MEGF11: variants seen among roughly 807,000 people sequenced by gnomAD.
MEGF11 encodes the protein multiple epidermal growth factor-like domains protein 11.
A neutral mutation model predicts 146.6 loss-of-function variants in MEGF11; 126 were observed. That is an observed-to-expected ratio of 0.86 (90% CI 0.74 to 1.00). The LOEUF (loss-of-function observed/expected upper bound fraction) is 1.00, where lower values mean the gene tolerates loss of function less well. Among genes scored for constraint, MEGF11 ranks in the 50% least tolerant of loss-of-function variants. The pLI is 0.00. For synonymous variants in MEGF11, 532 were observed against 583.4 expected (o/e 0.91, Z 1.27); for missense variants, 1,509 against 1,521.2 (o/e 0.99, Z 0.13).
chr15:65,951,025 G>A (rs1448400252), intron 10 of MEGF11, among the ~76,000 whole-genome samples: 1 of 152,218 alleles, frequency 6.6e-6, no homozygotes, highest in African/African-American at 2.4e-5. Context: ...GGAGTTTGCT[G>A]AGCAAGATAT....
chr15:66,038,345 T>C (rs773469039), intron 5 of MEGF11, among the ~76,000 whole-genome samples: 4 of 152,158 alleles, frequency 2.6e-5, no homozygotes, highest in African/African-American at 9.7e-5. Context: ...ACCATGGGCA[T>C]GTCACTTCCC....
chr15:65,965,298 GC>G (rs1032715628), intron 8 of MEGF11, 178 bp from the exon 9 acceptor site: 4 of 531,354 alleles, frequency 7.5e-6, no homozygotes, highest in African/African-American at 1.9e-5. Context: ...GGTTTAGTTC[GC>G]CCCAGTCATT....
intron 1 of MEGF11, among the ~76,000 whole-genome samples, chr15:66,174,874 T>C (rs2090352875): frequency 6.6e-6 from 1 of 152,240 alleles, no homozygotes; most frequent in African/African-American, 2.4e-5. Flanking sequence ...TCCTCTTCAA[T>C]TTCTTTCATC....
chr15:66,142,854 G>C (rs1005297190), intron 1 of MEGF11, among the ~76,000 whole-genome samples: 6 of 152,194 alleles, frequency 3.9e-5, no homozygotes, highest in Non-Finnish European at 7.3e-5. Flanking sequence ...GAGGACATGG[G>C]CCTGAAGGCC....
chr15:66,253,448 G>A (rs1038300102), intron 1 of MEGF11, among the ~76,000 whole-genome samples, 157 bp downstream of exon 1: 4 of 152,198 alleles, frequency 2.6e-5, no homozygotes, highest in African/African-American at 9.6e-5. Context: ...CGGCAGCCGG[G>A]ACCCGGGCAG....
intron 5 of MEGF11, among the ~76,000 whole-genome samples, chr15:66,049,283 A>G (rs959767300): frequency 2.6e-5 from 4 of 152,024 alleles, no homozygotes; most frequent in Non-Finnish European, 5.9e-5. Context: ...CTAGGTTCCA[A>G]CTCTGGGTTT....
chr15:65,922,414 G>A lies in MEGF11; in HGVS notation c.1881C>T (p.His627=). 1 of 1,593,944 alleles carries A rather than the reference G, an allele frequency of 6.3e-7. No homozygotes were observed. The highest frequency in any genetic ancestry group is 8.5e-7 in the Non-Finnish European group (1 of 1,170,844). The change falls in exon 15 of 26, where the codon CAC becomes CAT. Residue 627 remains histidine (H), a synonymous_variant. Transcript: ENST00000395614. Reference sequence around the variant, plus strand: ...TGATGTGGTGGCAGGGCCTGCTGCTGTGCACGCAGAGGGGGCATGGCTGGG... The same window carrying A: ...TGATGTGGTGGCAGGGCCTGCTGCTATGCACGCAGAGGGGGCATGGCTGGG... ...GCAQPCPLCV[H]SSRPCHHISG...
intron 1 of MEGF11, among the ~76,000 whole-genome samples, chr15:66,173,926 T>A (rs2090327413): frequency 6.6e-6 from 1 of 152,222 alleles, no homozygotes; most frequent in South Asian, 2.1e-4. Context: ...CAAGTGCCTC[T>A]GCTCCAGAAC....
Position 65,913,784 on chromosome 15 carries a change from G to C in MEGF11, c.2663C>G (p.Ser888Cys). The C allele has an allele frequency of 6.2e-7, 1 of 1,613,662 alleles. No individual in the cohort carries two copies. The highest frequency in any genetic ancestry group is 8.5e-7 in the Non-Finnish European group (1 of 1,179,780). ...EKGRDLAPRVSYTPAMRMTST... is the reference protein window; with the variant it reads ...EKGRDLAPRVCYTPAMRMTST... ...GGTCATCCTCATGGCAGGTGTGTAG[G>C]AGACACGGGGAGCCAGGTCTCGGCC... is the stretch of plus-strand genomic sequence containing the variant. The change falls in exon 20 of 26, where the codon TCC becomes TGC. Residue 888 changes from serine (S) to cysteine (C), a missense_variant. By Grantham distance (112) the Ser-to-Cys change is moderately radical. Transcript: ENST00000395614.
intron 10 of MEGF11, among the ~76,000 whole-genome samples, chr15:65,939,405 T>C (rs1213297969): frequency 6.6e-6 from 1 of 152,102 alleles, no homozygotes; most frequent in Non-Finnish European, 1.5e-5. Context: ...TGAGCATCTA[T>C]GACAAGCAAG....
In MEGF11 at chr15:66,103,986, C is replaced by A. The variant is rs186197857; in HGVS notation, c.302-9492G>T. On this transcript the variant is annotated intron_variant, in intron 4 of 25. Transcript: ENST00000395614. ...CACTGCTTCCTAGCTGTGGGTCCTT[C>A]GGCAGGTGATTTCACTCCTCTGAGT... is the stretch of plus-strand genomic sequence containing the variant. 1.6e-4 allele frequency among the ~76,000 whole-genome samples: 24 copies of A among 152,346 alleles called. No homozygotes were observed. In the East Asian group the frequency reaches 4.6e-3, roughly 29 times the overall value.
At chr15:66,218,079 T>A (rs2091632613) in intron 1 of MEGF11, among the ~76,000 whole-genome samples, 1 of 152,224 alleles carries the variant, frequency 6.6e-6, no homozygotes, top group Non-Finnish European at 1.5e-5. Context: ...GGAGCCTCTT[T>A]CTTTCAATGA....
At chr15:66,035,055 C>A (rs2083676351) in intron 5 of MEGF11, among the ~76,000 whole-genome samples, 2 of 152,094 alleles carry the variant, frequency 1.3e-5, no homozygotes, top group African/African-American at 2.4e-5. Context: ...AAAAAAAATC[C>A]TTTTCTTTAT....
chr15:65,918,053 A>G lies in MEGF11; in HGVS notation c.1999T>C (p.Cys667Arg). 6.2e-7 allele frequency: 1 copy of G among 1,613,998 alleles called. No individual in the cohort carries two copies. The highest frequency in any genetic ancestry group is 8.5e-7 in the Non-Finnish European group (1 of 1,179,886). ...CAGGTCCCGTTGTTGGCACAGGAGC[A>G]GAGCTGGGCACAGTCCTGCCCAAAG... ...GYFGQDCAQL[C>R]SCANNGTCSP... The change falls in exon 16 of 26, where the codon TGC (cysteine) becomes CGC (arginine). Residue 667 changes from cysteine (C) to arginine (R), a missense_variant. Physicochemically the swap from Cys to Arg is radical, Grantham distance 180. Transcript: ENST00000395614.
At chr15:65,989,499 C>T (rs1193240612) in intron 5 of MEGF11, among the ~76,000 whole-genome samples, 1 of 152,204 alleles carries the variant, frequency 6.6e-6, no homozygotes, top group Non-Finnish European at 1.5e-5. Context: ...CGGGATTGCT[C>T]CTGAGTTTAC....
intron 1 of MEGF11, among the ~76,000 whole-genome samples, chr15:66,202,629 C>T (rs1386445152): frequency 6.6e-6 from 1 of 152,230 alleles, no homozygotes; most frequent in African/African-American, 2.4e-5. Context: ...CAACAGCTCC[C>T]TGATCCCCAA....
intron 5 of MEGF11, among the ~76,000 whole-genome samples, chr15:65,990,562 C>T (rs532129788): frequency 9.3e-6 from 1 of 107,146 alleles, no homozygotes; most frequent in Non-Finnish European, 2.0e-5. Flanking sequence ...AGCAAGCAAA[C>T]AAGCAAGCAA....
rs114282831 is a variant in MEGF11, at chr15:66,073,085, G to C, written c.394+21317C>G. On this transcript the variant is annotated intron_variant, in intron 5 of 25. Transcript: ENST00000395614. ...GGAGGATTTAGGGGCTGGCCTCCTA[G>C]CAAGACATGTGGCCATGTCCCCAAG... Among the ~76,000 whole-genome samples the C allele has an allele frequency of 4.2e-3, 641 of 152,318 alleles. 4 individuals carry two copies. Among genetic ancestry groups the C allele is most frequent in the African/African-American group, 0.015 (619 of 41,572 alleles).
chr15:65,947,788 G>A (rs927042544), intron 10 of MEGF11, among the ~76,000 whole-genome samples: 2 of 152,308 alleles, frequency 1.3e-5, no homozygotes, highest in South Asian at 4.1e-4. Context: ...AAGCATAGAT[G>A]CCGCAGATCT....
Sources: gnomAD v4.1 joint callset for allele counts (sites outside exome capture counted in the v4.1 genomes callset) on GRCh38, gnomAD v4.1.1 for gene constraint, MANE v1.5 for transcripts, NCBI Gene and HGNC (gene_info 2026-07-23, HGNC 2026-07-21) for gene names.